The following PRKCA variants were observed in gnomAD, a reference collection of about 807,000 sequenced individuals.
PRKCA encodes protein kinase C alpha type.
Under a neutral mutation model 87.0 loss-of-function variants are expected in PRKCA, and 27 were observed. That is an observed-to-expected ratio of 0.31 (90% CI 0.23 to 0.43). The LOEUF is 0.43. Ranked by LOEUF, PRKCA falls within the 20% of genes least tolerant of loss-of-function variation. The pLI is 1.00. For missense variants in PRKCA, 518 were observed against 852.3 expected (o/e 0.61, Z 4.88); for synonymous variants, 329 against 311.1 (o/e 1.06, Z -0.61).
At chr17:66,432,709 AGTAGGTCT>A (rs1913162511) in intron 2 of PRKCA, among the ~76,000 whole-genome samples, 1 of 152,060 alleles carries the variant, frequency 6.6e-6, no homozygotes, top group Admixed American at 6.5e-5. Flanking sequence ...TTTTGCATGT[AGTAGGTCT>A]GTAGTTGCTG....
intron 3 of PRKCA, among the ~76,000 whole-genome samples, chr17:66,567,538 A>T (rs1456142465): frequency 1.3e-5 from 2 of 152,224 alleles, no homozygotes; most frequent in East Asian, 3.8e-4. Context: ...CTGAATTCCC[A>T]GTGGGAAGAA....
In PRKCA at chr17:66,627,585, T is replaced by C. The variant is rs143883099; in HGVS notation, c.289-13770T>C. ...TGCTAACAGACAATGCAGCTATACT[T>C]GTGATGGTGCTTTTCACGAGTGAAG... On this transcript the variant is annotated intron_variant, in intron 3 of 16. Transcript: ENST00000413366. Among the ~76,000 whole-genome samples the C allele has an allele frequency of 1.3e-4, 20 of 152,284 alleles. No homozygotes were observed. In the East Asian group the frequency reaches 3.7e-3, roughly 28 times the overall value.
chr17:66,368,386 ATTTTTT>A (rs1180540465), intron 2 of PRKCA, among the ~76,000 whole-genome samples: 235 of 25,402 alleles, frequency 9.3e-3, no homozygotes, highest in African/African-American at 0.027. Context: ...ATATATATAT[ATTTTTT>A]TTTTTTTTTT....
At chr17:66,372,282 T>C (rs963535303) in intron 2 of PRKCA, among the ~76,000 whole-genome samples, 1 of 152,190 alleles carries the variant, frequency 6.6e-6, no homozygotes, top group Non-Finnish European at 1.5e-5. Flanking sequence ...TCCTTGACAA[T>C]GGCAAAATTA....
In PRKCA at chr17:66,809,288, G is replaced by C. The variant is rs1368672850; in HGVS notation, c.*5251G>C. On this transcript the variant is annotated 3_prime_UTR_variant, in exon 17 of 17. Transcript: ENST00000413366. ...AACAGTATGAAGGATTCTGACCCCT[G>C]TGCCTCCCATTTATGTGATCAGGTG... 1 of 152,556 alleles carries C rather than the reference G, an allele frequency of 6.6e-6. No individual in the cohort carries two copies. Among genetic ancestry groups the C allele is most frequent in the African/African-American group, 2.4e-5 (1 of 41,436 alleles). 9.5% of individuals were successfully genotyped at this position (152,556 alleles called of 1,614,324 possible).
At chr17:66,574,861 A>T (rs1969187659) in intron 3 of PRKCA, among the ~76,000 whole-genome samples, 1 of 152,242 alleles carries the variant, frequency 6.6e-6, no homozygotes, top group Non-Finnish European at 1.5e-5. Flanking sequence ...AGAGATTAAC[A>T]ACAATAATAA....
chr17:66,384,378 A>C (rs1430414279), intron 2 of PRKCA, among the ~76,000 whole-genome samples: 1 of 152,220 alleles, frequency 6.6e-6, no homozygotes, highest in Non-Finnish European at 1.5e-5. Context: ...AGGGCTTTGG[A>C]AACTCATTAA....
chr17:66,715,375 G>A (rs1485440253), intron 8 of PRKCA, among the ~76,000 whole-genome samples: 1 of 152,162 alleles, frequency 6.6e-6, no homozygotes, highest in African/African-American at 2.4e-5. Flanking sequence ...CTGCCCTCGT[G>A]TAACTGTCGT....
intron 13 of PRKCA, among the ~76,000 whole-genome samples, chr17:66,767,191 CTT>C (rs1189660299): frequency 1.3e-5 from 2 of 152,140 alleles, no homozygotes; most frequent in African/African-American, 4.8e-5. Context: ...TAAGACCTCA[CTT>C]AACATTATCG....
intron 10 of PRKCA, among the ~76,000 whole-genome samples, chr17:66,738,283 A>G (rs2144222964): frequency 6.6e-6 from 1 of 152,352 alleles, no homozygotes; most frequent in East Asian, 1.9e-4. Context: ...TAAGCCTGAG[A>G]GATGTGTTTT....
At chr17:66,499,666 C>T (rs1916641445) in intron 3 of PRKCA, among the ~76,000 whole-genome samples, 2 of 152,126 alleles carry the variant, frequency 1.3e-5, no homozygotes, top group South Asian at 2.1e-4. Flanking sequence ...GAAACACACC[C>T]GTGAGCTGAT....
At chr17:66,578,660 G>C (rs1454302240) in intron 3 of PRKCA, among the ~76,000 whole-genome samples, 1 of 152,184 alleles carries the variant, frequency 6.6e-6, no homozygotes, top group Admixed American at 6.5e-5. Flanking sequence ...AAGTAGCCCT[G>C]TCTTGGATGC....
intron 2 of PRKCA, among the ~76,000 whole-genome samples, chr17:66,356,198 G>A (rs955860400): frequency 2.6e-5 from 4 of 152,010 alleles, no homozygotes; most frequent in Admixed American, 2.0e-4. Flanking sequence ...CACGCCCATC[G>A]GTGATTTTTT....
At chr17:66,510,261 A>G (rs1917165509) in intron 3 of PRKCA, among the ~76,000 whole-genome samples, 1 of 152,170 alleles carries the variant, frequency 6.6e-6, no homozygotes, top group Non-Finnish European at 1.5e-5. Flanking sequence ...ATCTTTAGAA[A>G]GAGAATTTTG....
chr17:66,610,677 G>T (rs985107291), intron 3 of PRKCA, among the ~76,000 whole-genome samples: 1 of 152,188 alleles, frequency 6.6e-6, no homozygotes, highest in Non-Finnish European at 1.5e-5. Context: ...GGTGCTTCCT[G>T]TTTCAGTCAC....
chr17:66,482,084 G>A (rs1332182262), intron 2 of PRKCA, among the ~76,000 whole-genome samples: 85 of 114,866 alleles, frequency 7.4e-4, no homozygotes, highest in African/African-American at 3.0e-3. Flanking sequence ...CTGGGCGACA[G>A]AGCAAGACTG....
intron 3 of PRKCA, among the ~76,000 whole-genome samples, chr17:66,527,773 G>A (rs879692530): frequency 2.0e-5 from 3 of 152,154 alleles, no homozygotes; most frequent in Non-Finnish European, 4.4e-5. Flanking sequence ...ACTGTCCATT[G>A]TATTTTTCCA....
Position 66,393,413 on chromosome 17 carries a change from A to G in PRKCA, c.205+87286A>G, listed in dbSNP as rs2143647705. Among the ~76,000 whole-genome samples, 2 of 152,244 alleles carry G rather than the reference A, an allele frequency of 1.3e-5. 1 individual carries two copies. The highest frequency in any genetic ancestry group is 1.3e-4 in the Admixed American group (2 of 15,302). On this transcript the variant is annotated intron_variant, in intron 2 of 16. Coordinates refer to ENST00000413366, the MANE Select transcript of PRKCA (RefSeq NM_002737.3). ...TTATTGACATGCTTCTCCCGGACACACACACACACATCACATTTGCAGCCA... is the reference window on the plus strand; with the variant it reads ...TTATTGACATGCTTCTCCCGGACACGCACACACACATCACATTTGCAGCCA...
chr17:66,641,897 T>C (rs1971306532), intron 4 of PRKCA, among the ~76,000 whole-genome samples: 1 of 152,110 alleles, frequency 6.6e-6, no homozygotes, highest in African/African-American at 2.4e-5. Flanking sequence ...AAAAATCCAG[T>C]AGGCTCTTCT....
Sources: gnomAD v4.1 joint callset for allele counts (sites outside exome capture counted in the v4.1 genomes callset) on GRCh38, gnomAD v4.1.1 for gene constraint, MANE v1.5 for transcripts, NCBI Gene and HGNC (gene_info 2026-07-23, HGNC 2026-07-21) for gene names.